EPHA1: variants seen among roughly 807,000 people sequenced by gnomAD.
The protein encoded by EPHA1 is ephrin type-A receptor 1.
Under a neutral mutation model 110.1 loss-of-function variants are expected in EPHA1, and 92 were observed. The observed-to-expected ratio is 0.84, with a 90% confidence interval of 0.71 to 0.99. The LOEUF (loss-of-function observed/expected upper bound fraction) is 0.99. Ranked by LOEUF, EPHA1 falls within the 50% of genes least tolerant of loss-of-function variation. The pLI, the probability that EPHA1 is intolerant of heterozygous loss-of-function variation, is 0.00. For synonymous variants in EPHA1, 500 were observed against 516.1 expected, an observed-to-expected ratio of 0.97 and a Z score of 0.42; for missense variants, 1,204 against 1,285.4, an observed-to-expected ratio of 0.94 and a Z score of 0.97.
rs542068127 is a variant in EPHA1 at position 143,400,046 on chromosome 7, G to C, written c.440C>G (p.Thr147Arg). 2 of 1,598,426 alleles carry C rather than the reference G, an allele frequency of 1.3e-6. No homozygotes were observed. Among genetic ancestry groups the C allele is most frequent in the Non-Finnish European group, 1.7e-6 (2 of 1,168,906 alleles). Residue 147 changes from threonine to arginine, a missense_variant, in exon 4 of 18, where the codon ACG (threonine) becomes AGG (arginine). Coordinates refer to ENST00000275815, the MANE Select transcript of EPHA1 (RefSeq NM_005232.5). The stretch of plus-strand genomic sequence containing the variant: ...GGTGAAGCTCTGGTCTGCAGCCACC[G>C]TGGTTACCTGGGTAGAAGGTGGGGA... ...LRRPLFQKVT[T>R]VAADQSFTIR...
In EPHA1 at chr7:143,393,334, C is replaced by G. The variant is rs1805142353; in HGVS notation, c.2696+337G>C. Reference sequence around the variant, plus strand: ...AAATATTTCTATGGGGAAGGGGATGCATCCCAAGAATGGGCCACAGTACAA... The same window carrying G: ...AAATATTTCTATGGGGAAGGGGATGGATCCCAAGAATGGGCCACAGTACAA... On this transcript the variant is annotated intron_variant, in intron 16 of 17. Coordinates refer to ENST00000275815, the MANE Select transcript of EPHA1 (RefSeq NM_005232.5). The surrounding 1 kb of genome is among the most constrained non-coding windows in gnomAD (Gnocchi z 5.6). Among the ~76,000 whole-genome samples the G allele has an allele frequency of 1.3e-5, 2 of 152,162 alleles. No homozygotes were observed. Among genetic ancestry groups the G allele is most frequent in the South Asian group, 4.1e-4 (2 of 4,830 alleles).
In EPHA1 at chr7:143,397,476, A is replaced by G. The variant is rs919388181; in HGVS notation, c.1712+85T>C. ...CTGGGAGTGCAGGATGGGTTTTGAT[A>G]CTAGGGGATGGGAGGGTCGTTGGGG... On this transcript the variant is annotated intron_variant, in intron 9 of 17. Transcript: ENST00000275815. 5 of 1,592,678 alleles carry G rather than the reference A, an allele frequency of 3.1e-6. No individual in the cohort carries two copies. The African/African-American group carries it at 6.7e-5, about 21-fold the overall frequency.
At chr7:143,406,849 A>G (rs1465788408) in intron 2 of EPHA1, among the ~76,000 whole-genome samples, 2 of 152,200 alleles carry the variant, frequency 1.3e-5, no homozygotes, top group African/African-American at 4.8e-5. Context: ...TTTGTACATC[A>G]TAAGAGCTGC....
In EPHA1 at chr7:143,391,200, T is replaced by C. The variant is rs1805064840; in HGVS notation, c.*257A>G. On this transcript the variant is annotated 3_prime_UTR_variant, in exon 18 of 18. Coordinates refer to ENST00000275815, the MANE Select transcript of EPHA1 (RefSeq NM_005232.5). The stretch of plus-strand genomic sequence containing the variant: ...CAGTTCCTGTTTATTTACAAAAATA[T>C]ATATATGTGTATGTATGTATATATA... The C allele has an allele frequency of 2.1e-6, 1 of 482,204 alleles. No individual in the cohort carries two copies. The highest frequency in any genetic ancestry group is 2.8e-5 in the South Asian group (1 of 35,106). 29.9% of individuals were successfully genotyped at this position (482,204 alleles called of 1,614,324 possible). A position where few individuals can be genotyped will look rare whatever the true frequency, so the allele number is the denominator to read the frequency against.
At chr7:143,394,431 A>AT (rs1039886054) in intron 14 of EPHA1, 88 bp from the exon 15 acceptor site, 773 of 1,421,440 alleles carry the variant, frequency 5.4e-4, no homozygotes, top group Non-Finnish European at 6.8e-4. Context: ...TTTTTATTTT[A>AT]TTTTTTTTGA....
Position 143,395,565 on chromosome 7 carries a change from C to G in EPHA1, c.1898-61G>C. 6.4e-7 allele frequency: 1 copy of G among 1,557,842 alleles called. No individual in the cohort carries two copies. The highest frequency in any genetic ancestry group is 8.8e-7 in the Non-Finnish European group (1 of 1,139,792). On this transcript the variant is annotated intron_variant, in intron 11 of 17. Transcript: ENST00000275815. This position sits in a 1 kb window ranked among gnomAD's most constrained non-coding sequence, Gnocchi z 4.7. ...CTGCAGGGCTCCTCCAGGGGACAGGCAGCAACCCCTCCAGTCCTCCGGCCC... is the reference window on the plus strand; with the variant it reads ...CTGCAGGGCTCCTCCAGGGGACAGGGAGCAACCCCTCCAGTCCTCCGGCCC...
At position 143,401,233 on chromosome 7, in the gene EPHA1, C is replaced by T. The variant is rs1212031205; in HGVS notation, c.432+91G>A. ...CTTTTCAAGATTCTACCTCTGCACC[C>T]TCTTCCTGTCTCTGCAACCTTCTCT... On this transcript the variant is annotated intron_variant, in intron 3 of 17. Transcript: ENST00000275815. This position sits in a 1 kb window ranked among gnomAD's most constrained non-coding sequence, Gnocchi z 4.1. The T allele has an allele frequency of 6.7e-7, 1 of 1,500,292 alleles. No individual in the cohort carries two copies. Among genetic ancestry groups the T allele is most frequent in the African/African-American group, 1.4e-5 (1 of 72,308 alleles). The allele number at this position is 1,500,292 out of a possible 1,614,324, so 92.9% of individuals were successfully genotyped here. A position where few individuals can be genotyped will look rare whatever the true frequency, so the allele number is the denominator to read the frequency against.
intron 2 of EPHA1, among the ~76,000 whole-genome samples, chr7:143,404,964 C>T (rs1295399305): frequency 6.8e-6 from 1 of 146,632 alleles, no homozygotes; most frequent in African/African-American, 2.5e-5. Flanking sequence ...TCCCTACCCT[C>T]AGCTCTGGGA....
intron 16 of EPHA1, among the ~76,000 whole-genome samples, chr7:143,392,670 G>A (rs1249751487): frequency 2.0e-5 from 3 of 152,064 alleles, no homozygotes; most frequent in African/African-American, 4.8e-5. Context: ...CAGGCCAGGC[G>A]AGGTGGCCCA....
In EPHA1 at chr7:143,408,798, C is replaced by A; in HGVS notation, c.8G>T (p.Arg3Leu). MERRWPLGLGLVL... is the reference protein window; with the variant it reads MELRWPLGLGLVL... ...CAGCCCTAGCCCCAGGGGCCAGCGC[C>A]GCTCCATAGCTCCGGGCCGGGACCT... The change falls in exon 1 of 18, where the codon CGG becomes CTG. Residue 3 changes from arginine (R) to leucine (L), a missense_variant. By Grantham distance (102) the Arg-to-Leu change is moderately radical. Transcript: ENST00000275815. 8.2e-7 allele frequency: 1 copy of A among 1,224,950 alleles called. No homozygotes were observed. Among genetic ancestry groups the A allele is most frequent in the Middle Eastern group, 3.1e-4 (1 of 3,188 alleles). 75.9% of individuals were successfully genotyped at this position (1,224,950 alleles called of 1,614,324 possible).
Position 143,401,443 on chromosome 7 carries a change from C to T in EPHA1, c.313G>A (p.Asp105Asn). 1 of 1,614,130 alleles carries T rather than the reference C, an allele frequency of 6.2e-7. No individual in the cohort carries two copies. Among genetic ancestry groups the T allele is most frequent in the Non-Finnish European group, 8.5e-7 (1 of 1,180,042 alleles). Reference sequence around the variant, plus strand: ...GCTCCCCCAGGGAAACTCTTGCAGTCCCGCACGGTGAACTGCAGCTCCACG... The same window carrying T: ...GCTCCCCCAGGGAAACTCTTGCAGTTCCGCACGGTGAACTGCAGCTCCACG... Reference protein sequence around the residue: ...VHVELQFTVRDCKSFPGGAGP... With the variant: ...VHVELQFTVRNCKSFPGGAGP... Residue 105 changes from aspartate to asparagine, a missense_variant, in exon 3 of 18, where the codon GAC (aspartate) becomes AAC (asparagine). By Grantham distance (23) the Asp-to-Asn change is conservative. Coordinates refer to ENST00000275815, the MANE Select transcript of EPHA1 (RefSeq NM_005232.5). The surrounding 1 kb of genome is among the most constrained non-coding windows in gnomAD (Gnocchi z 4.1).
chr7:143,393,669 A>T lies in EPHA1; in HGVS notation c.2696+2T>A, dbSNP rs771804744. The T allele has an allele frequency of 6.2e-7, 1 of 1,612,800 alleles. No homozygotes were observed. Among genetic ancestry groups the T allele is most frequent in the Non-Finnish European group, 8.5e-7 (1 of 1,179,674 alleles). On this transcript the variant is annotated splice_donor_variant, in intron 16 of 17. Transcript: ENST00000275815. LOFTEE classifies it high-confidence loss of function. This position sits in a 1 kb window ranked among gnomAD's most constrained non-coding sequence, Gnocchi z 5.6. ...TCCCTAGTCCTTCCCCTGCATGGTT[A>T]CCTGGGGTCAAAGTTGGCAATGGTC...
rs138816415 is a variant in EPHA1 at position 143,397,276 on chromosome 7, G to A, written c.1771+28C>T. The stretch of plus-strand genomic sequence containing the variant: ...ACACACAGGTGTGCACACGCATGTG[G>A]GGACACACGCAGGTGCACCCGACTC... On this transcript the variant is annotated intron_variant, in intron 10 of 17. Coordinates refer to ENST00000275815, the MANE Select transcript of EPHA1 (RefSeq NM_005232.5). 2.1e-4 allele frequency: 327 copies of A among 1,543,568 alleles called. No homozygotes were observed. The African/African-American group carries it at 3.7e-3, about 17-fold the overall frequency.
intron 1 of EPHA1, 97 bp from the exon 2 acceptor site, chr7:143,407,775 C>G (rs1476070710): frequency 1.8e-6 from 2 of 1,086,808 alleles, no homozygotes; most frequent in East Asian, 4.9e-5. Flanking sequence ...CAGGCTGCAA[C>G]ATCCTGTTCC....
Position 143,400,038 on chromosome 7 carries a change from C to T in EPHA1, c.448G>A (p.Ala150Thr). Residue 150 changes from alanine to threonine, a missense_variant, in exon 4 of 18, where the codon GCA (alanine) becomes ACA (threonine). Coordinates refer to ENST00000275815, the MANE Select transcript of EPHA1 (RefSeq NM_005232.5). ...PLFQKVTTVA[A>T]DQSFTIRDLV... ...TCTCGAATGGTGAAGCTCTGGTCTG[C>T]AGCCACCGTGGTTACCTGGGTAGAA... is the stretch of plus-strand genomic sequence containing the variant. 6.2e-7 allele frequency: 1 copy of T among 1,602,652 alleles called. No homozygotes were observed. The highest frequency in any genetic ancestry group is 1.7e-5 in the Admixed American group (1 of 59,490).
At position 143,407,706 on chromosome 7, in the gene EPHA1, C is replaced by T. The variant is rs1184705497; in HGVS notation, c.83-28G>A. 3 of 1,609,286 alleles carry T rather than the reference C, an allele frequency of 1.9e-6. No homozygotes were observed. The East Asian group carries it at 6.7e-5, about 36-fold the overall frequency. On this transcript the variant is annotated intron_variant, in intron 1 of 17. Coordinates refer to ENST00000275815, the MANE Select transcript of EPHA1 (RefSeq NM_005232.5). ...GAAAGTGGGGAGAAAAGAAGTCTGT[C>T]ACCTCTGGGGGAGGAGGTGCCCCTG...
chr7:143,397,504 G>A (rs181565708), intron 9 of EPHA1, 57 bp downstream of exon 9: 14 of 1,597,552 alleles, frequency 8.8e-6, no homozygotes, highest in African/African-American at 1.3e-5. Context: ...CGTTGGGGCT[G>A]CAGTCAGGGG....
rs761160914 is a variant in EPHA1, at chr7:143,393,701, G to A, written c.2666C>T (p.Ser889Phe). 1 of 1,613,926 alleles carries A rather than the reference G, an allele frequency of 6.2e-7. No homozygotes were observed. Among genetic ancestry groups the A allele is most frequent in the Non-Finnish European group, 8.5e-7 (1 of 1,179,968 alleles). Residue 889 changes from serine (S) to phenylalanine (F), a missense_variant, in exon 16 of 18, where the codon TCC becomes TTC. Transcript: ENST00000275815. This position sits in a 1 kb window ranked among gnomAD's most constrained non-coding sequence, Gnocchi z 5.6. ...HLEQLLANPHSLRTIANFDPR... is the reference protein window; with the variant it reads ...HLEQLLANPHFLRTIANFDPR... ...GTCAAAGTTGGCAATGGTCCGCAGG[G>A]AGTGGGGGTTGGCAAGCAGTTGCTC...
rs1343558790 is a variant in EPHA1, at chr7:143,398,959, G to A, written c.992-14C>T. 6.3e-7 allele frequency: 1 copy of A among 1,579,196 alleles called. No homozygotes were observed. Among genetic ancestry groups the A allele is most frequent in the Admixed American group, 1.8e-5 (1 of 55,784 alleles). Reference sequence around the variant, plus strand: ...CCGAGGGGGGACCTGTGGGAGAAGAGGAGCCATCAGTAGAAGCCGACCTCG... The same window carrying A: ...CCGAGGGGGGACCTGTGGGAGAAGAAGAGCCATCAGTAGAAGCCGACCTCG... On this transcript the variant is annotated splice_polypyrimidine_tract_variant and intron_variant, in intron 5 of 17. Transcript: ENST00000275815.
Sources: gnomAD v4.1 joint callset for allele counts (sites outside exome capture counted in the v4.1 genomes callset) on GRCh38, gnomAD v4.1.1 for gene constraint, Gnocchi (gnomAD v3.1) non-coding constraint, MANE v1.5 for transcripts, NCBI Gene and HGNC (gene_info 2026-07-23, HGNC 2026-07-21) for gene names.